Variants in TCF12 observed in about 807,000 individuals in gnomAD.
The protein encoded by TCF12 is DNA-binding protein HTF4.
A neutral mutation model predicts 86.0 loss-of-function variants in TCF12; 45 were observed. The observed-to-expected ratio is 0.52, with a 90% CI of 0.41 to 0.67. The LOEUF is 0.67. Ranked by LOEUF, TCF12 falls within the 30% of genes least tolerant of loss-of-function variation. The pLI, the probability that TCF12 is intolerant of heterozygous loss-of-function variation, is 0.00. For missense variants in TCF12, 881 were observed against 859.9 expected, an observed-to-expected ratio of 1.02 and a Z score of -0.31; for synonymous variants, 330 against 299.6, an observed-to-expected ratio of 1.10 and a Z score of -1.05.
At chr15:57,076,905 A>G (rs2070112496) in intron 4 of TCF12, among the ~76,000 whole-genome samples, 1 of 152,078 alleles carries the variant, frequency 6.6e-6, no homozygotes. Context: ...ATTTGTTGAA[A>G]AGATTTTTCT....
chr15:57,119,132 C>T (rs574641305), intron 5 of TCF12, among the ~76,000 whole-genome samples: 2 of 152,094 alleles, frequency 1.3e-5, no homozygotes, highest in East Asian at 3.9e-4. Context: ...CTCACTCTTT[C>T]ACCAGGCTGG....
intron 19 of TCF12, among the ~76,000 whole-genome samples, chr15:57,277,767 C>T (rs186746565): frequency 6.6e-6 from 1 of 151,914 alleles, no homozygotes; most frequent in Admixed American, 6.6e-5. Flanking sequence ...AGTTAGGCCG[C>T]ATCTCTAAAA....
chr15:57,130,619 T>C (rs1169051788), intron 5 of TCF12, among the ~76,000 whole-genome samples: 1 of 152,210 alleles, frequency 6.6e-6, no homozygotes, highest in Non-Finnish European at 1.5e-5. Context: ...AGTGCTGTTA[T>C]TTTAAACAAC....
chr15:57,025,081 C>CTT lies in TCF12; in HGVS notation c.149-38659_149-38658dup, dbSNP rs34260943. Reference sequence around the variant, plus strand: ...ATTTATAAGTTTGTGTCCCCGCTACCTTTTTTTTTTTGAGACCAAGGCTCA... The same window carrying CTT: ...ATTTATAAGTTTGTGTCCCCGCTACCTTTTTTTTTTTTTGAGACCAAGGCTCA... On this transcript the variant is annotated intron_variant, in intron 3 of 20. Transcript: ENST00000333725. Among the ~76,000 whole-genome samples, 221 of 148,060 alleles carry CTT rather than the reference C, an allele frequency of 1.5e-3. 2 individuals are homozygous for CTT. Among genetic ancestry groups the CTT allele is most frequent in the East Asian group, 9.7e-3 (49 of 5,068 alleles).
At chr15:56,966,458 T>A (rs1055713945) in intron 3 of TCF12, among the ~76,000 whole-genome samples, 1 of 152,236 alleles carries the variant, frequency 6.6e-6, no homozygotes. Context: ...TAAGCCTTGT[T>A]AAAATCAGAG....
chr15:57,017,566 T>G (rs1596138276), intron 3 of TCF12, among the ~76,000 whole-genome samples: 1 of 152,198 alleles, frequency 6.6e-6, no homozygotes, highest in African/African-American at 2.4e-5. Flanking sequence ...AGCCCAACAT[T>G]GTTTACTTTA....
At chr15:57,151,442 G>C (rs867942515) in intron 5 of TCF12, among the ~76,000 whole-genome samples, 2 of 152,082 alleles carry the variant, frequency 1.3e-5, no homozygotes, top group Non-Finnish European at 2.9e-5. Context: ...AGGACCTCCA[G>C]CTTCTATCTA....
intron 3 of TCF12, among the ~76,000 whole-genome samples, chr15:57,043,710 A>T (rs188487018): frequency 6.6e-6 from 1 of 152,204 alleles, no homozygotes; most frequent in African/African-American, 2.4e-5. Context: ...AGTCTTTGTG[A>T]TTGTGTTTGA....
chr15:56,936,703 C>A (rs1370610325), intron 3 of TCF12, among the ~76,000 whole-genome samples: 1 of 152,164 alleles, frequency 6.6e-6, no homozygotes, highest in African/African-American at 2.4e-5. Flanking sequence ...ATGTGGTTTT[C>A]CAATTATCCC....
chr15:57,152,931 G>T (rs2053866767), intron 5 of TCF12, among the ~76,000 whole-genome samples: 1 of 151,662 alleles, frequency 6.6e-6, no homozygotes. Flanking sequence ...AGAAAATCTT[G>T]AAGACAACCA....
intron 3 of TCF12, among the ~76,000 whole-genome samples, chr15:56,950,170 A>T (rs1245285209): frequency 6.6e-6 from 1 of 151,708 alleles, no homozygotes; most frequent in Non-Finnish European, 1.5e-5. Flanking sequence ...CCACATAACT[A>T]CTGATCTGGT....
chr15:57,259,856 G>C (rs918567862), intron 16 of TCF12, among the ~76,000 whole-genome samples: 8 of 152,220 alleles, frequency 5.3e-5, no homozygotes, highest in African/African-American at 1.7e-4. Flanking sequence ...GTGGAGCTGC[G>C]GATTAAAGGG....
chr15:57,235,691 A>G (rs542522093), intron 12 of TCF12, among the ~76,000 whole-genome samples: 1 of 152,370 alleles, frequency 6.6e-6, no homozygotes, highest in East Asian at 1.9e-4. Flanking sequence ...GGAAGAGTCC[A>G]GTAACTGATA....
chr15:57,205,903 A>G (rs1031383349), intron 8 of TCF12, among the ~76,000 whole-genome samples: 7 of 152,234 alleles, frequency 4.6e-5, no homozygotes, highest in Non-Finnish European at 7.3e-5. Context: ...CTATGGATCC[A>G]GTTGTACTGA....
At chr15:57,046,346 C>T (rs2067231745) in intron 3 of TCF12, among the ~76,000 whole-genome samples, 1 of 152,146 alleles carries the variant, frequency 6.6e-6, no homozygotes. Flanking sequence ...ATTCTACTTT[C>T]TTTGTTGACT....
chr15:57,230,830 T>C (rs1489529755), intron 8 of TCF12, among the ~76,000 whole-genome samples: 1 of 152,082 alleles, frequency 6.6e-6, no homozygotes. Context: ...TTTTGAATCC[T>C]GAGCCTATGT....
intron 8 of TCF12, among the ~76,000 whole-genome samples, chr15:57,217,109 T>G (rs16977315): frequency 0.049 from 7,435 of 152,178 alleles, 501 homozygotes; most frequent in African/African-American, 0.15. Context: ...TGTACGAGTT[T>G]TATATTTATG....
At chr15:57,272,497 C>A (rs531857634) in intron 18 of TCF12, among the ~76,000 whole-genome samples, 132 of 152,280 alleles carry the variant, frequency 8.7e-4, no homozygotes, top group Non-Finnish European at 1.6e-3. Flanking sequence ...GCCAGGTAAC[C>A]GCCAGAGTAT....
intron 3 of TCF12, among the ~76,000 whole-genome samples, chr15:57,051,914 A>T (rs894745795): frequency 4.6e-5 from 7 of 152,174 alleles, no homozygotes; most frequent in Admixed American, 4.6e-4. Flanking sequence ...CCTATTATGT[A>T]TTCCTTGTCA....
Sources: gnomAD v4.1 joint callset for allele counts (sites outside exome capture counted in the v4.1 genomes callset) on GRCh38, gnomAD v4.1.1 for gene constraint, MANE v1.5 for transcripts, NCBI Gene and HGNC (gene_info 2026-07-23, HGNC 2026-07-21) for gene names.